STAP1: variants seen among roughly 807,000 people sequenced by gnomAD.
STAP1 encodes signal-transducing adaptor protein 1.
A neutral mutation model predicts 37.8 loss-of-function variants in STAP1; 30 were observed. The observed-to-expected ratio is 0.79, with a 90% CI of 0.59 to 1.08. STAP1 has a LOEUF of 1.08. Ranked by LOEUF, STAP1 falls within the 50% of genes least tolerant of loss-of-function variation. The pLI is 0.00. For missense variants in STAP1, 357 were observed against 349.4 expected (o/e 1.02, Z -0.17); for synonymous variants, 130 against 116.0 (o/e 1.12, Z -0.78).
rs565116154 is a variant in STAP1 at position 67,571,724 on chromosome 4, T to G, written c.192+569T>G. 8.5e-5 allele frequency among the ~76,000 whole-genome samples: 13 copies of G among 152,328 alleles called. No individual in the cohort carries two copies. The East Asian group carries it at 1.5e-3, about 18-fold the overall frequency. ...TCTTCCAGGAATAAGATATAGTATT[T>G]TAGTGGCAAATGCTTACCTACCTTG... On this transcript the variant is annotated intron_variant, in intron 2 of 8. Transcript: ENST00000265404.
chr4:67,599,268 A>G (rs1728289064), intron 8 of STAP1, among the ~76,000 whole-genome samples: 1 of 152,100 alleles, frequency 6.6e-6, no homozygotes, highest in Non-Finnish European at 1.5e-5. Context: ...TTTTTGAATC[A>G]TCTTAGTAGG....
chr4:67,582,536 G>T (rs1408165559), intron 5 of STAP1, among the ~76,000 whole-genome samples: 3 of 151,946 alleles, frequency 2.0e-5, no homozygotes, highest in Non-Finnish European at 4.4e-5. Context: ...TTGAACTCTT[G>T]AGCTCGAGTG....
chr4:67,560,643 G>GTGTGTGT (rs1727313273), intron 1 of STAP1, among the ~76,000 whole-genome samples: 6 of 149,488 alleles, frequency 4.0e-5, no homozygotes, highest in South Asian at 2.1e-4. Context: ...TGTGTGTGTG[G>GTGTGTGT]GTGTGTGTCT....
At chr4:67,576,037 C>T (rs1447209763) in intron 3 of STAP1, among the ~76,000 whole-genome samples, 1 of 152,164 alleles carries the variant, frequency 6.6e-6, no homozygotes, top group East Asian at 1.9e-4. Context: ...AGACTGGTGT[C>T]AGATACTTGG....
chr4:67,581,490 G>A lies in STAP1; in HGVS notation c.530+19G>A. Reference sequence around the variant, plus strand: ...TGCCAGCGTAAGTGCACAATGAACTGCAGTTTATTCATTCGATTGTTAAAA... The same window carrying A: ...TGCCAGCGTAAGTGCACAATGAACTACAGTTTATTCATTCGATTGTTAAAA... On this transcript the variant is annotated intron_variant, in intron 5 of 8. Coordinates refer to ENST00000265404, the MANE Select transcript of STAP1 (RefSeq NM_012108.4). 6.3e-7 allele frequency: 1 copy of A among 1,583,154 alleles called. No individual in the cohort carries two copies. Among genetic ancestry groups the A allele is most frequent in the Non-Finnish European group, 8.6e-7 (1 of 1,166,072 alleles).
chr4:67,583,748 A>G, intron 6 of STAP1, 46 bp downstream of exon 6: 1 of 1,589,680 alleles, frequency 6.3e-7, no homozygotes, highest in Non-Finnish European at 8.6e-7. Context: ...AAAGCGTGGT[A>G]TCACTAAATA....
At position 67,577,191 on chromosome 4, in the gene STAP1, C is replaced by T; in HGVS notation, c.307-12C>T. Reference sequence around the variant, plus strand: ...CTTCTTTGGCTTTATCTGTTTTTGTCTTCAACTTTAGACAGAGAACACAGA... The same window carrying T: ...CTTCTTTGGCTTTATCTGTTTTTGTTTTCAACTTTAGACAGAGAACACAGA... On this transcript the variant is annotated splice_polypyrimidine_tract_variant and intron_variant, in intron 3 of 8. Transcript: ENST00000265404. 1 of 1,601,956 alleles carries T rather than the reference C, an allele frequency of 6.2e-7. No individual in the cohort carries two copies. Among genetic ancestry groups the T allele is most frequent in the Non-Finnish European group, 8.5e-7 (1 of 1,175,042 alleles).
At chr4:67,601,772 T>G (rs547338242) in intron 8 of STAP1, among the ~76,000 whole-genome samples, 1 of 152,222 alleles carries the variant, frequency 6.6e-6, no homozygotes, top group Non-Finnish European at 1.5e-5. Context: ...GCTTTTAGGA[T>G]AATTTCTTTA....
chr4:67,599,785 G>T lies in STAP1; in HGVS notation c.826+6429G>T, dbSNP rs180887812. On this transcript the variant is annotated intron_variant, in intron 8 of 8. Transcript: ENST00000265404. ...GCCTCCCAAGTACCTGGGATTACAG[G>T]TGTGTGCCACCACGGCTGGCTCATT... Among the ~76,000 whole-genome samples the T allele has an allele frequency of 2.8e-3, 430 of 152,010 alleles. 2 individuals are homozygous for T. Among genetic ancestry groups the T allele is most frequent in the Non-Finnish European group, 3.0e-3 (202 of 67,960 alleles).
At chr4:67,575,356 T>C (rs1328399061) in intron 2 of STAP1, 29 bp from the exon 3 acceptor site, 1 of 1,442,026 alleles carries the variant, frequency 6.9e-7, no homozygotes, top group African/African-American at 1.4e-5. Context: ...CATGAAATAA[T>C]GTAATGTGAT....
chr4:67,602,987 C>A (rs1318917312), intron 8 of STAP1, among the ~76,000 whole-genome samples: 1 of 152,150 alleles, frequency 6.6e-6, no homozygotes, highest in Non-Finnish European at 1.5e-5. Context: ...CTCCTCCACA[C>A]CAGACCAGAG....
At chr4:67,602,040 TTTC>T (rs763473712) in intron 8 of STAP1, among the ~76,000 whole-genome samples, 16 of 150,848 alleles carry the variant, frequency 1.1e-4, no homozygotes, top group Non-Finnish European at 7.4e-5. Context: ...CTTTTTATTC[TTTC>T]TTCTTTTGTC....
intron 5 of STAP1, among the ~76,000 whole-genome samples, chr4:67,582,583 C>G (rs1578029484): frequency 6.6e-6 from 1 of 152,050 alleles, no homozygotes; most frequent in East Asian, 1.9e-4. Flanking sequence ...CCTGGGATTA[C>G]AGGTGTGAGC....
At chr4:67,562,341 CAA>C (rs1025713141) in intron 1 of STAP1, among the ~76,000 whole-genome samples, 4 of 149,462 alleles carry the variant, frequency 2.7e-5, no homozygotes, top group South Asian at 4.2e-4. Context: ...AACTCCGTCT[CAA>C]AAAAAAAGGA....
At chr4:67,582,085 T>C (rs1357160883) in intron 5 of STAP1, among the ~76,000 whole-genome samples, 1 of 152,184 alleles carries the variant, frequency 6.6e-6, no homozygotes, top group East Asian at 1.9e-4. Flanking sequence ...CATCAGGTTC[T>C]GTTGCATACT....
intron 8 of STAP1, among the ~76,000 whole-genome samples, chr4:67,595,268 A>G (rs1171216374): frequency 2.0e-5 from 3 of 149,958 alleles, no homozygotes; most frequent in African/African-American, 7.4e-5. Context: ...AGATTATCCC[A>G]CTGAACAGGG....
intron 6 of STAP1, among the ~76,000 whole-genome samples, chr4:67,587,997 T>G (rs1430107182): frequency 7.4e-6 from 1 of 134,478 alleles, no homozygotes; most frequent in Non-Finnish European, 1.5e-5. Flanking sequence ...GTGCTGGGAT[T>G]ACAGGTGTGA....
intron 2 of STAP1, among the ~76,000 whole-genome samples, chr4:67,573,536 A>T (rs535909001): frequency 6.6e-6 from 1 of 152,316 alleles, no homozygotes; most frequent in South Asian, 2.1e-4. Context: ...TGATCTAGAC[A>T]ATCCCTCAGA....
In STAP1 at chr4:67,583,614, C is replaced by T. The variant is rs1461706442; in HGVS notation, c.571C>T (p.Leu191Phe). ...GTCCCGGAAAGAGGCAACTGAGATG[C>T]TCCAGAAGAACCCTTCTTTGGGAAA... Reference protein sequence around the residue: ...TVSRKEATEMLQKNPSLGNMI... With the variant: ...TVSRKEATEMFQKNPSLGNMI... The change falls in exon 6 of 9, where the codon CTC becomes TTC. Residue 191 changes from leucine to phenylalanine, a missense_variant. Coordinates refer to ENST00000265404, the MANE Select transcript of STAP1 (RefSeq NM_012108.4). 6.2e-7 allele frequency: 1 copy of T among 1,613,716 alleles called. No individual in the cohort carries two copies. The highest frequency in any genetic ancestry group is 1.1e-5 in the South Asian group (1 of 91,060).
Sources: allele counts gnomAD v4.1 joint callset (sites outside exome capture counted in the v4.1 genomes callset), GRCh38; gene constraint gnomAD v4.1.1; transcripts MANE v1.5; gene names NCBI Gene and HGNC (gene_info 2026-07-23, HGNC 2026-07-21).